Variants in LAMP2 observed in about 807,000 individuals in gnomAD.
The protein encoded by LAMP2 is lysosome associated membrane protein 2, also known as lysosome-associated membrane glycoprotein 2.
LAMP2 carries 4 observed loss-of-function variants against 25.6 expected under a neutral mutation model. The observed-to-expected ratio is 0.16, with a 90% CI of 0.08 to 0.36. The LOEUF is 0.36. Ranked by LOEUF, LAMP2 falls within the 10% of genes least tolerant of loss-of-function variation. The pLI, the probability that LAMP2 is intolerant of heterozygous loss-of-function variation, is 1.00. For synonymous variants in LAMP2, 108 were observed against 112.7 expected (o/e 0.96, Z 0.27); for missense variants, 272 against 301.4 (o/e 0.90, Z 0.72).
chrX:120,464,011 G>C (rs762473081), intron 1 of LAMP2, among the ~76,000 whole-genome samples: 1 of 109,131 alleles, frequency 9.2e-6, no homozygotes, highest in Non-Finnish European at 1.9e-5. Context: ...CGAAATCAAA[G>C]TTATCAGTTA....
chrX:120,434,875 T>C lies in LAMP2; in HGVS notation c.1094-3413A>G, dbSNP rs1054497216. Among the ~76,000 whole-genome samples, 5 of 112,059 alleles carry C rather than the reference T, an allele frequency of 4.5e-5. No individual in the cohort carries two copies. The South Asian group carries it at 1.9e-3, about 42-fold the overall frequency. Reference sequence around the variant, plus strand: ...CAGGCACAGCGTTTCATGCCTATAATAACAGCAGTTCAGGAGGTCGAGGTA... The same window carrying C: ...CAGGCACAGCGTTTCATGCCTATAACAACAGCAGTTCAGGAGGTCGAGGTA... On this transcript the variant is annotated intron_variant, in intron 8 of 8. Coordinates refer to ENST00000200639, the MANE Select transcript of LAMP2 (RefSeq NM_002294.3).
At chrX:120,441,115 A>C (rs1245649017) in intron 8 of LAMP2, among the ~76,000 whole-genome samples, 1 of 112,160 alleles carries the variant, frequency 8.9e-6, no homozygotes. Flanking sequence ...TCTTCATGCA[A>C]ATTTTAATCT....
intron 3 of LAMP2, among the ~76,000 whole-genome samples, chrX:120,451,817 G>A (rs1048988616): frequency 8.9e-6 from 1 of 111,944 alleles, no homozygotes; most frequent in Admixed American, 9.5e-5. Flanking sequence ...ATTATTAATA[G>A]TCCATTTCAG....
At chrX:120,441,975 A>T in intron 7 of LAMP2, 81 bp from the exon 8 acceptor site, 9 of 921,421 alleles carry the variant, frequency 9.8e-6, no homozygotes, top group Non-Finnish European at 1.4e-5. Flanking sequence ...ACAGTGGCTC[A>T]CGCCTGTAAT....
chrX:120,454,934 G>GATATATATATATATATAT (rs397842673), intron 3 of LAMP2, among the ~76,000 whole-genome samples: 12 of 81,634 alleles, frequency 1.5e-4, no homozygotes, highest in African/African-American at 5.9e-4. Flanking sequence ...CACACACTAG[G>GATATATATATATATATAT]ATATATATAT....
intron 5 of LAMP2, among the ~76,000 whole-genome samples, chrX:120,447,016 C>T (rs1433375838): frequency 2.7e-5 from 3 of 112,201 alleles, no homozygotes; most frequent in East Asian, 2.8e-4. Context: ...GGTTTTCTGC[C>T]GGCCAACACA....
chrX:120,436,129 TACACAC>T (rs752616648), intron 8 of LAMP2, among the ~76,000 whole-genome samples: 6,985 of 89,476 alleles, frequency 0.078, 478 homozygotes, highest in East Asian at 0.36. Context: ...CAGGGGAGCT[TACACAC>T]ACACACACAC....
intron 1 of LAMP2, among the ~76,000 whole-genome samples, chrX:120,464,198 T>C (rs1247614305): frequency 8.9e-6 from 1 of 111,755 alleles, no homozygotes; most frequent in Non-Finnish European, 1.9e-5. Context: ...CATTATTATA[T>C]GGGATTATAC....
Position 120,427,377 on chromosome X carries a change from T to C in LAMP2, c.*3946A>G, listed in dbSNP as rs2058502747. On this transcript the variant is annotated 3_prime_UTR_variant, in exon 9 of 9. Transcript: ENST00000200639. ...CCAATCAAGCAGACACAGGGATGAG[T>C]GGTCTCCAGTACCTTACTCCAGAAG... 9.1e-6 allele frequency among the ~76,000 whole-genome samples: 1 copy of C among 110,465 alleles called. No homozygotes were observed. The highest frequency in any genetic ancestry group is 1.9e-5 in the Non-Finnish European group (1 of 52,869).
intron 8 of LAMP2, chrX:120,436,513 A>G: frequency 1.4e-6 from 1 of 736,318 alleles, no homozygotes; most frequent in Non-Finnish European, 1.6e-6. Context: ...GAAATAAAAG[A>G]ATCTTTATTG....
chrX:120,433,323 A>G (rs958399583), intron 8 of LAMP2, among the ~76,000 whole-genome samples: 1 of 111,525 alleles, frequency 9.0e-6, no homozygotes, highest in South Asian at 3.8e-4. Context: ...AACAAATACA[A>G]TACTCATTTT....
At position 120,428,568 on chromosome X, in the gene LAMP2, C is replaced by G. The variant is rs1274595954; in HGVS notation, c.*2755G>C. ...CAACAATTATAAGGAAGCCCAAGGC[C>G]ACACCCACTGCAACAGGAATAAGAA... On this transcript the variant is annotated 3_prime_UTR_variant, in exon 9 of 9. Coordinates refer to ENST00000200639, the MANE Select transcript of LAMP2 (RefSeq NM_002294.3). 1.7e-6 allele frequency: 2 copies of G among 1,198,321 alleles called. No homozygotes were observed. The highest frequency in any genetic ancestry group is 2.2e-6 in the Non-Finnish European group (2 of 889,595).
chrX:120,429,003 A>C lies in LAMP2; in HGVS notation c.*2320T>G, dbSNP rs2058510571. On this transcript the variant is annotated 3_prime_UTR_variant, in exon 9 of 9. Transcript: ENST00000200639. ...TCGTCACACCTATAATTAAAGTATA[A>C]ATAAGAATTCTGTATAAGTAATAAA... 8 of 650,999 alleles carry C rather than the reference A, an allele frequency of 1.2e-5. No individual in the cohort carries two copies. In the South Asian group the frequency reaches 4.8e-4, roughly 39 times the overall value. The allele number at this position is 650,999 out of a possible 1,213,427, so 53.6% of individuals were successfully genotyped here. A position where few individuals can be genotyped will look rare whatever the true frequency, so the allele number is the denominator to read the frequency against.
rs1265505735 is a variant in LAMP2, at chrX:120,427,382, T to C, written c.*3941A>G. Among the ~76,000 whole-genome samples the C allele has an allele frequency of 9.0e-6, 1 of 110,956 alleles. No homozygotes were observed. Among genetic ancestry groups the C allele is most frequent in the East Asian group, 2.8e-4 (1 of 3,550 alleles). The stretch of plus-strand genomic sequence containing the variant: ...CAAGCAGACACAGGGATGAGTGGTC[T>C]CCAGTACCTTACTCCAGAAGCCGGA... On this transcript the variant is annotated 3_prime_UTR_variant, in exon 9 of 9. Coordinates refer to ENST00000200639, the MANE Select transcript of LAMP2 (RefSeq NM_002294.3).
At chrX:120,461,035 T>TGTGATTACAACACTGTGATTCCAGTG (rs1921295931) in intron 1 of LAMP2, among the ~76,000 whole-genome samples, 1 of 112,700 alleles carries the variant, frequency 8.9e-6, no homozygotes, top group East Asian at 2.8e-4. Flanking sequence ...AGTGTGATTC[T>TGTGATTACAACACTGTGATTCCAGTG]ATTACAAACA....
intron 1 of LAMP2, among the ~76,000 whole-genome samples, chrX:120,462,578 A>G (rs2147290763): frequency 9.1e-6 from 1 of 110,179 alleles, no homozygotes; most frequent in East Asian, 2.8e-4. Flanking sequence ...CAAGTGTATG[A>G]CACTGCAAAA....
Position 120,429,115 on chromosome X carries a change from T to A in LAMP2, c.*2208A>T, listed in dbSNP as rs1372325072. ...GTATATATATGTGTATATATATGTA[T>A]ATGTGTATATATATGTGTGTGTGTA... On this transcript the variant is annotated 3_prime_UTR_variant, in exon 9 of 9. Coordinates refer to ENST00000200639, the MANE Select transcript of LAMP2 (RefSeq NM_002294.3). The A allele has an allele frequency of 1.7e-6, 1 of 587,763 alleles. No homozygotes were observed. Among genetic ancestry groups the A allele is most frequent in the Admixed American group, 9.4e-5 (1 of 10,691 alleles). The allele number at this position is 587,763 out of a possible 1,213,427, so 48.4% of individuals were successfully genotyped here. A position where few individuals can be genotyped will look rare whatever the true frequency, so the allele number is the denominator to read the frequency against.
intron 3 of LAMP2, among the ~76,000 whole-genome samples, chrX:120,454,752 G>T (rs1033692830): frequency 9.2e-5 from 10 of 108,842 alleles, no homozygotes; most frequent in Non-Finnish European, 1.9e-4. Context: ...ACCAGACTGT[G>T]TGATGTTTGG....
At chrX:120,464,357 C>T (rs960846211) in intron 1 of LAMP2, among the ~76,000 whole-genome samples, 1 of 111,167 alleles carries the variant, frequency 9.0e-6, no homozygotes, top group South Asian at 3.7e-4. Flanking sequence ...TCCCTAGTGC[C>T]CACCAATGAA....
Sources: gnomAD v4.1 joint callset for allele counts (sites outside exome capture counted in the v4.1 genomes callset) on GRCh38, gnomAD v4.1.1 for gene constraint, MANE v1.5 for transcripts, NCBI Gene and HGNC (gene_info 2026-07-23, HGNC 2026-07-21) for gene names.